NALF1: variants seen among roughly 807,000 people sequenced by gnomAD.
The protein encoded by NALF1 is NALCN channel auxiliary factor 1.
NALF1 carries 3 observed loss-of-function variants against 48.4 expected under a neutral mutation model. The observed-to-expected ratio is 0.06, with a 90% CI of 0.03 to 0.16. The LOEUF (loss-of-function observed/expected upper bound fraction) is 0.16. NALF1 is among the 10% of genes least tolerant of loss of function. The pLI is 1.00. For missense variants in NALF1, 526 were observed against 571.5 expected (o/e 0.92, Z 0.81); for synonymous variants, 262 against 245.7 (o/e 1.07, Z -0.62).
intron 1 of NALF1, among the ~76,000 whole-genome samples, chr13:107,254,701 C>T (rs757845643): frequency 5.3e-5 from 8 of 152,314 alleles, no homozygotes; most frequent in East Asian, 1.9e-4. Context: ...TTCCTTCAGA[C>T]GCTTGTCATC....
At chr13:107,644,646 CATATAT>C (rs58981652) in intron 1 of NALF1, among the ~76,000 whole-genome samples, 7 of 108,246 alleles carry the variant, frequency 6.5e-5, no homozygotes, top group Admixed American at 1.1e-4. Flanking sequence ...TACATACATA[CATATAT>C]ATATATATAT....
At position 107,166,723 on chromosome 13, in the gene NALF1, T is replaced by G. The variant is rs568091334; in HGVS notation, c.*3774A>C. ...AAAAGTATGTACTTATTCATTCATA[T>G]GAAACCTCCTTTCCCCCTCATTCCC... On this transcript the variant is annotated 3_prime_UTR_variant, in exon 3 of 3. Coordinates refer to ENST00000375915, the MANE Select transcript of NALF1 (RefSeq NM_001080396.3). 6.6e-6 allele frequency: 1 copy of G among 152,256 alleles called. No homozygotes were observed. Among genetic ancestry groups the G allele is most frequent in the Non-Finnish European group, 1.5e-5 (1 of 68,016 alleles). The allele number at this position is 152,256 out of a possible 1,614,324, so 9.4% of individuals were successfully genotyped here.
chr13:107,342,345 A>G (rs896615796), intron 1 of NALF1, among the ~76,000 whole-genome samples: 2 of 152,240 alleles, frequency 1.3e-5, no homozygotes, highest in South Asian at 2.1e-4. Context: ...CCAGATAGTA[A>G]TAACCATGTT....
chr13:107,615,167 G>A (rs529332642), intron 1 of NALF1, among the ~76,000 whole-genome samples: 17 of 152,218 alleles, frequency 1.1e-4, no homozygotes, highest in Admixed American at 7.8e-4. Flanking sequence ...CCTATTCATC[G>A]TCCTCTTTCA....
At chr13:107,688,923 C>G (rs749315398) in intron 1 of NALF1, among the ~76,000 whole-genome samples, 1 of 152,142 alleles carries the variant, frequency 6.6e-6, no homozygotes, top group Non-Finnish European at 1.5e-5. Flanking sequence ...AGTCTCGAAA[C>G]GGAGGTCACT....
At chr13:107,781,693 C>T (rs1877893341) in intron 1 of NALF1, among the ~76,000 whole-genome samples, 1 of 151,624 alleles carries the variant, frequency 6.6e-6, no homozygotes, top group African/African-American at 2.4e-5. Context: ...CTTCTTTGCA[C>T]TGCTTCATTT....
At chr13:107,240,515 T>C (rs1193929091) in intron 1 of NALF1, among the ~76,000 whole-genome samples, 2 of 152,232 alleles carry the variant, frequency 1.3e-5, no homozygotes, top group Non-Finnish European at 2.9e-5. Context: ...TAGTAAGTGG[T>C]TATCTATTAT....
At chr13:107,650,092 A>C (rs1454961698) in intron 1 of NALF1, among the ~76,000 whole-genome samples, 3 of 152,214 alleles carry the variant, frequency 2.0e-5, no homozygotes, top group Non-Finnish European at 4.4e-5. Flanking sequence ...AGTATTTTAA[A>C]AGTTGCCTGT....
chr13:107,738,230 G>C (rs566774950), intron 1 of NALF1, among the ~76,000 whole-genome samples: 1 of 152,302 alleles, frequency 6.6e-6, no homozygotes, highest in African/African-American at 2.4e-5. Context: ...TGCCAGAAAA[G>C]GAGGTGACCG....
chr13:107,281,896 G>A (rs920774255), intron 1 of NALF1, among the ~76,000 whole-genome samples: 1 of 152,076 alleles, frequency 6.6e-6, no homozygotes, highest in African/African-American at 2.4e-5. Context: ...CAATATCACG[G>A]GGCAGCCTGG....
At chr13:107,432,238 C>T (rs955341493) in intron 1 of NALF1, among the ~76,000 whole-genome samples, 8 of 152,146 alleles carry the variant, frequency 5.3e-5, no homozygotes, top group African/African-American at 1.9e-4. Flanking sequence ...ACTCACTCAT[C>T]TCCAAAGGGC....
intron 1 of NALF1, among the ~76,000 whole-genome samples, chr13:107,753,353 A>G (rs1226788153): frequency 6.6e-6 from 1 of 152,220 alleles, no homozygotes; most frequent in Non-Finnish European, 1.5e-5. Flanking sequence ...TTCTGAGATT[A>G]CAATGAATTT....
chr13:107,856,384 GTTCT>G (rs1330681392), intron 1 of NALF1, among the ~76,000 whole-genome samples: 4 of 152,234 alleles, frequency 2.6e-5, no homozygotes, highest in Non-Finnish European at 4.4e-5. Context: ...GCTCTAGAGG[GTTCT>G]TTGAGAGTTT....
chr13:107,739,001 T>C (rs1316496830), intron 1 of NALF1, among the ~76,000 whole-genome samples: 1 of 152,008 alleles, frequency 6.6e-6, no homozygotes, highest in Non-Finnish European at 1.5e-5. Flanking sequence ...TGAAATTCAG[T>C]TTTATAATCA....
At chr13:107,267,467 T>C (rs9558986) in intron 1 of NALF1, among the ~76,000 whole-genome samples, 41,090 of 152,002 alleles carry the variant, frequency 0.27, 6,298 homozygotes, top group East Asian at 0.52. Context: ...GAGCGCTGTG[T>C]GTTGTCTGTG....
chr13:107,580,272 G>A (rs1233483482), intron 1 of NALF1, among the ~76,000 whole-genome samples: 2 of 152,168 alleles, frequency 1.3e-5, no homozygotes, highest in Non-Finnish European at 2.9e-5. Flanking sequence ...ACAGGAAGGG[G>A]AACGTCACAC....
At chr13:107,750,731 T>C (rs977268217) in intron 1 of NALF1, among the ~76,000 whole-genome samples, 1 of 152,048 alleles carries the variant, frequency 6.6e-6, no homozygotes, top group African/African-American at 2.4e-5. Context: ...TACACTAAAA[T>C]CTCTAAAATA....
chr13:107,192,415 A>T (rs1879302468), intron 2 of NALF1, among the ~76,000 whole-genome samples: 1 of 152,300 alleles, frequency 6.6e-6, no homozygotes, highest in Non-Finnish European at 1.5e-5. Context: ...CCAGCTAGTG[A>T]GACTCACATT....
chr13:107,284,099 C>G (rs571259371), intron 1 of NALF1, among the ~76,000 whole-genome samples: 3 of 152,042 alleles, frequency 2.0e-5, no homozygotes, highest in Non-Finnish European at 2.9e-5. Flanking sequence ...GGCTGACATA[C>G]GATCACAGCC....
Sources: gnomAD v4.1 joint callset for allele counts (sites outside exome capture counted in the v4.1 genomes callset) on GRCh38, gnomAD v4.1.1 for gene constraint, MANE v1.5 for transcripts, NCBI Gene and HGNC (gene_info 2026-07-23, HGNC 2026-07-21) for gene names.